GATAD2B: variants seen among roughly 807,000 people sequenced by gnomAD.
GATAD2B encodes the protein GATA zinc finger domain containing 2B, also known as transcriptional repressor p66-beta.
Under a neutral mutation model 64.3 loss-of-function variants are expected in GATAD2B, and 8 were observed. The ratio of observed to expected loss-of-function variants is 0.12; its 90% confidence interval spans 0.07 to 0.22. GATAD2B has a LOEUF of 0.22. Among genes scored for constraint, GATAD2B ranks in the 10% least tolerant of loss-of-function variants. GATAD2B has a pLI of 1.00. For missense variants in GATAD2B, 453 were observed against 752.0 expected, an observed-to-expected ratio of 0.60 and a Z score of 4.65; for synonymous variants, 281 against 271.3, an observed-to-expected ratio of 1.04 and a Z score of -0.35.
chr1:153,917,347 C>T (rs1259747414), intron 1 of GATAD2B, among the ~76,000 whole-genome samples: 3 of 151,534 alleles, frequency 2.0e-5, no homozygotes, highest in East Asian at 1.9e-4. Flanking sequence ...ACACCCGCCT[C>T]GGCCTCCCAA....
At chr1:153,860,442 C>T (rs911203549) in intron 1 of GATAD2B, among the ~76,000 whole-genome samples, 1 of 151,782 alleles carries the variant, frequency 6.6e-6, no homozygotes, top group Non-Finnish European at 1.5e-5. Flanking sequence ...TTAGGCAATC[C>T]TCCCACCTTA....
intron 1 of GATAD2B, among the ~76,000 whole-genome samples, chr1:153,860,388 G>A (rs1446558856): frequency 2.6e-5 from 4 of 152,182 alleles, no homozygotes; most frequent in Admixed American, 2.6e-4. Context: ...AGGCTGGAGT[G>A]CAGTGGTGCA....
Position 153,809,972 on chromosome 1 carries a change from A to G in GATAD2B, c.*205T>C. On this transcript the variant is annotated 3_prime_UTR_variant, in exon 11 of 11. Transcript: ENST00000368655. ...AGAAGACAGAGCGGCAGAAGAACAG[A>G]TCGCAGCAGTGTGAAATAAAGGGGA... 1 of 521,638 alleles carries G rather than the reference A, an allele frequency of 1.9e-6. No individual in the cohort carries two copies. The highest frequency in any genetic ancestry group is 3.4e-6 in the Non-Finnish European group (1 of 297,532). 32.3% of individuals were successfully genotyped at this position (521,638 alleles called of 1,614,324 possible).
chr1:153,811,192 C>T (rs1472828176), intron 10 of GATAD2B, among the ~76,000 whole-genome samples: 2 of 152,054 alleles, frequency 1.3e-5, no homozygotes, highest in South Asian at 2.1e-4. Flanking sequence ...TGAGCCACCG[C>T]GCCCTGCACA....
chr1:153,827,750 T>C (rs1409079922), intron 2 of GATAD2B: 1 of 492,742 alleles, frequency 2.0e-6, no homozygotes, highest in Non-Finnish European at 3.6e-6. Context: ...CCATTTGGCC[T>C]ATCAGCTCTC....
intron 1 of GATAD2B, among the ~76,000 whole-genome samples, chr1:153,884,197 T>A (rs190485760): frequency 6.6e-6 from 1 of 152,070 alleles, no homozygotes; most frequent in African/African-American, 2.4e-5. Context: ...TCCCAGCACT[T>A]TGGGAGGCCG....
At chr1:153,850,920 CAA>C (rs879637778) in intron 1 of GATAD2B, among the ~76,000 whole-genome samples, 4 of 138,464 alleles carry the variant, frequency 2.9e-5, no homozygotes, top group Admixed American at 7.2e-5. Flanking sequence ...GACTCCACCT[CAA>C]AAAAAAAAAA....
intron 1 of GATAD2B, among the ~76,000 whole-genome samples, chr1:153,857,985 T>C (rs1015856485): frequency 6.6e-6 from 1 of 152,154 alleles, no homozygotes. Context: ...GACAGTGAAT[T>C]CAAGGATAAT....
chr1:153,901,603 T>C (rs1057006601), intron 1 of GATAD2B, among the ~76,000 whole-genome samples: 1 of 151,802 alleles, frequency 6.6e-6, no homozygotes, highest in African/African-American at 2.4e-5. Context: ...GGCAGGTGGA[T>C]CATCTGAGGT....
chr1:153,855,120 T>C (rs1362769021), intron 1 of GATAD2B, among the ~76,000 whole-genome samples: 2 of 152,212 alleles, frequency 1.3e-5, no homozygotes, highest in Non-Finnish European at 2.9e-5. Flanking sequence ...TATTAAATAA[T>C]ATTAGGGAAT....
At chr1:153,852,093 GC>G (rs1224345463) in intron 1 of GATAD2B, 1 of 574,798 alleles carries the variant, frequency 1.7e-6, no homozygotes, top group Non-Finnish European at 3.2e-6. Flanking sequence ...GGTGACAGGG[GC>G]AAGTTTAATG....
chr1:153,835,848 G>C (rs1675242217), intron 1 of GATAD2B, among the ~76,000 whole-genome samples: 1 of 151,866 alleles, frequency 6.6e-6, no homozygotes, highest in African/African-American at 2.4e-5. Flanking sequence ...TCAGCCTCCT[G>C]AGTAGCTGGG....
intron 1 of GATAD2B, among the ~76,000 whole-genome samples, chr1:153,838,063 A>G (rs984430542): frequency 2.6e-5 from 4 of 152,186 alleles, no homozygotes; most frequent in Non-Finnish European, 5.9e-5. Context: ...TATTGTTTCT[A>G]CTTCACAGGT....
At chr1:153,841,134 A>G (rs1379164560) in intron 1 of GATAD2B, among the ~76,000 whole-genome samples, 4 of 151,574 alleles carry the variant, frequency 2.6e-5, no homozygotes, top group South Asian at 2.1e-4. Flanking sequence ...CAAAAAAAAA[A>G]AAAAAAAGAA....
At chr1:153,917,851 T>C (rs1328889875) in intron 1 of GATAD2B, among the ~76,000 whole-genome samples, 8 of 152,028 alleles carry the variant, frequency 5.3e-5, no homozygotes, top group Admixed American at 3.9e-4. Context: ...TTAAGTCCTA[T>C]GAAAAAGAAA....
intron 1 of GATAD2B, among the ~76,000 whole-genome samples, chr1:153,900,480 G>A (rs575419920): frequency 6.6e-6 from 1 of 152,040 alleles, no homozygotes; most frequent in South Asian, 2.1e-4. Flanking sequence ...TCTGGGACCA[G>A]AATTCACCTA....
Position 153,916,243 on chromosome 1 carries a change from T to C in GATAD2B, c.-2+6490A>G, listed in dbSNP as rs6691714. Among the ~76,000 whole-genome samples, 332 of 145,806 alleles carry C rather than the reference T, an allele frequency of 2.3e-3. 3 individuals carry two copies. Among genetic ancestry groups the C allele is most frequent in the African/African-American group, 8.1e-3 (317 of 39,134 alleles). On this transcript the variant is annotated intron_variant, in intron 1 of 10. Coordinates refer to ENST00000368655, the MANE Select transcript of GATAD2B (RefSeq NM_020699.4). ...TTGCAGTAAGCTAAGATTGCACCACTGCACTCCAGTGACAGAGTGAGACTC... is the reference window on the plus strand; with the variant it reads ...TTGCAGTAAGCTAAGATTGCACCACCGCACTCCAGTGACAGAGTGAGACTC...
At chr1:153,912,976 T>TA (rs1419589209) in intron 1 of GATAD2B, among the ~76,000 whole-genome samples, 4 of 152,034 alleles carry the variant, frequency 2.6e-5, no homozygotes, top group Admixed American at 1.3e-4. Context: ...ACCTCCCAGC[T>TA]ATACGGGAGA....
intron 1 of GATAD2B, among the ~76,000 whole-genome samples, chr1:153,849,691 C>T (rs1251023568): frequency 2.6e-5 from 4 of 152,174 alleles, no homozygotes; most frequent in South Asian, 2.1e-4. Flanking sequence ...AGTACAGTGG[C>T]GTGATCTTGG....
Sources: gnomAD v4.1 joint callset for allele counts (sites outside exome capture counted in the v4.1 genomes callset) on GRCh38, gnomAD v4.1.1 for gene constraint, MANE v1.5 for transcripts, NCBI Gene and HGNC (gene_info 2026-07-23, HGNC 2026-07-21) for gene names.